ARHGAP24: variants seen among roughly 807,000 people sequenced by gnomAD.
ARHGAP24 encodes the protein Rho GTPase activating protein 24.
A neutral mutation model predicts 76.4 loss-of-function variants in ARHGAP24; 50 were observed. The ratio of observed to expected loss-of-function variants is 0.65; its 90% CI spans 0.52 to 0.83. The LOEUF is 0.83. ARHGAP24 is among the 40% of genes least tolerant of loss of function. The pLI, the probability that ARHGAP24 is intolerant of heterozygous loss-of-function variation, is 0.00. For synonymous variants in ARHGAP24, 345 were observed against 323.3 expected, an observed-to-expected ratio of 1.07 and a Z score of -0.72; for missense variants, 930 against 914.2, an observed-to-expected ratio of 1.02 and a Z score of -0.22.
At chr4:85,478,913 G>C (rs539554454) in intron 1 of ARHGAP24, among the ~76,000 whole-genome samples, 20 of 152,278 alleles carry the variant, frequency 1.3e-4, no homozygotes, top group Non-Finnish European at 2.9e-5. Context: ...TAATTTTTAT[G>C]TATTTCCCCT....
At chr4:85,700,908 C>A (rs571065041) in intron 2 of ARHGAP24, among the ~76,000 whole-genome samples, 10 of 152,204 alleles carry the variant, frequency 6.6e-5, no homozygotes, top group Admixed American at 2.6e-4. Flanking sequence ...TAAAATATCT[C>A]TCTTTGTTTG....
At chr4:85,698,748 G>C (rs1224834906) in intron 2 of ARHGAP24, among the ~76,000 whole-genome samples, 2 of 152,178 alleles carry the variant, frequency 1.3e-5, no homozygotes, top group African/African-American at 2.4e-5. Context: ...CCATGACAAA[G>C]AGCGACCTAG....
rs578067228 is a variant in ARHGAP24 at position 85,809,464 on chromosome 4, C to T, written c.268+87492C>T. On this transcript the variant is annotated intron_variant, in intron 3 of 9. Coordinates refer to ENST00000395184, the MANE Select transcript of ARHGAP24 (RefSeq NM_001025616.3). ...AGTATTGAAATAAGAGAGAGAATTA[C>T]CTTATTCCATTCAAGGCATAGACAC... Among the ~76,000 whole-genome samples the T allele has an allele frequency of 7.4e-4, 112 of 152,148 alleles. 1 individual carries two copies. The South Asian group carries it at 0.012, about 16-fold the overall frequency.
At chr4:85,484,923 T>G (rs955026090) in intron 1 of ARHGAP24, among the ~76,000 whole-genome samples, 2 of 152,154 alleles carry the variant, frequency 1.3e-5, no homozygotes, top group Admixed American at 6.5e-5. Context: ...CATTTACTGT[T>G]GTATTTGGTT....
At chr4:85,993,868 A>G (rs1293617856) in intron 8 of ARHGAP24, among the ~76,000 whole-genome samples, 1 of 152,140 alleles carries the variant, frequency 6.6e-6, no homozygotes, top group Admixed American at 6.6e-5. Context: ...CACTCTCCAG[A>G]TTGCATCAAG....
chr4:85,832,326 T>C (rs79690523), intron 3 of ARHGAP24, among the ~76,000 whole-genome samples: 2 of 152,064 alleles, frequency 1.3e-5, no homozygotes, highest in Non-Finnish European at 2.9e-5. Flanking sequence ...GAGAGCCTGA[T>C]AGAGGAGGTG....
At chr4:85,886,538 G>A (rs1733577518) in intron 3 of ARHGAP24, among the ~76,000 whole-genome samples, 1 of 152,124 alleles carries the variant, frequency 6.6e-6, no homozygotes, top group Non-Finnish European at 1.5e-5. Context: ...AAACACTTGA[G>A]TTGAGGCCAC....
chr4:85,813,449 C>T (rs537397712), intron 3 of ARHGAP24, among the ~76,000 whole-genome samples: 3 of 152,162 alleles, frequency 2.0e-5, no homozygotes, highest in Non-Finnish European at 2.9e-5. Flanking sequence ...AGGCCTGACT[C>T]AGATGGTCAA....
intron 3 of ARHGAP24, among the ~76,000 whole-genome samples, chr4:85,895,000 G>T (rs200527469): frequency 2.1e-5 from 1 of 47,992 alleles, no homozygotes; most frequent in Non-Finnish European, 4.5e-5. Flanking sequence ...AAAACAAAAA[G>T]CAAAAAAAAA....
intron 2 of ARHGAP24, among the ~76,000 whole-genome samples, chr4:85,681,176 A>AT (rs1232357392): frequency 1.3e-5 from 2 of 151,850 alleles, no homozygotes; most frequent in South Asian, 2.1e-4. Context: ...GTCTTTTCTC[A>AT]ATTTTTTTAT....
chr4:85,769,277 G>T (rs962250564), intron 3 of ARHGAP24, among the ~76,000 whole-genome samples: 1 of 152,118 alleles, frequency 6.6e-6, no homozygotes, highest in Non-Finnish European at 1.5e-5. Flanking sequence ...CATTTATTAG[G>T]TAGTCATTTT....
At chr4:85,675,310 C>T (rs1179168823) in intron 2 of ARHGAP24, among the ~76,000 whole-genome samples, 6 of 152,160 alleles carry the variant, frequency 3.9e-5, no homozygotes, top group African/African-American at 1.4e-4. Context: ...GAGAAATGCA[C>T]GTTGTATCAT....
intron 2 of ARHGAP24, among the ~76,000 whole-genome samples, chr4:85,601,331 T>C (rs181047817): frequency 4.1e-4 from 62 of 152,344 alleles, no homozygotes; most frequent in African/African-American, 1.5e-3. Flanking sequence ...AACTGTGGTA[T>C]TTTGAATACA....
chr4:85,890,522 C>G (rs555183111), intron 3 of ARHGAP24, among the ~76,000 whole-genome samples: 1 of 152,126 alleles, frequency 6.6e-6, no homozygotes, highest in Non-Finnish European at 1.5e-5. Flanking sequence ...TTCAGCCTGG[C>G]TAGTATCTTG....
chr4:85,554,331 T>C (rs1381351474), intron 1 of ARHGAP24, among the ~76,000 whole-genome samples: 1 of 152,170 alleles, frequency 6.6e-6, no homozygotes, highest in Non-Finnish European at 1.5e-5. Context: ...CTGCATTTCC[T>C]GATTTTGAAC....
In ARHGAP24 at chr4:85,487,676, TTATTA is replaced by T. The variant is rs972320009; in HGVS notation, c.-21+12126_-21+12130del. ...TATTACATATTATATAAACATATAT[TTATTA>T]TATTATATAAATATATATTTATTAT... On this transcript the variant is annotated intron_variant, in intron 1 of 9. Coordinates refer to ENST00000395184, the MANE Select transcript of ARHGAP24 (RefSeq NM_001025616.3). Among the ~76,000 whole-genome samples, 648 of 106,780 alleles carry T rather than the reference TTATTA, an allele frequency of 6.1e-3. 11 individuals carry two copies. Among genetic ancestry groups the T allele is most frequent in the African/African-American group, 0.025 (624 of 24,932 alleles). 70.1% of individuals were successfully genotyped at this position (106,780 alleles called of 152,430 possible). A position where few individuals can be genotyped will look rare whatever the true frequency, so the allele number is the denominator to read the frequency against.
intron 3 of ARHGAP24, among the ~76,000 whole-genome samples, chr4:85,747,995 C>G (rs1377554073): frequency 1.3e-5 from 2 of 152,226 alleles, no homozygotes; most frequent in Admixed American, 6.5e-5. Flanking sequence ...CAGCTTATAT[C>G]TGTTCATGCC....
intron 8 of ARHGAP24, chr4:85,991,145 C>T (rs1413733890): frequency 6.6e-6 from 1 of 152,018 alleles, no homozygotes; most frequent in African/African-American, 2.4e-5. Context: ...TGGAAGGATG[C>T]TCAGCATCTT....
intron 3 of ARHGAP24, among the ~76,000 whole-genome samples, chr4:85,724,748 T>C (rs549398560): frequency 1.3e-5 from 2 of 152,214 alleles, no homozygotes; most frequent in African/African-American, 4.8e-5. Context: ...GTTTTAGGGT[T>C]GATTTCCTAT....
Sources: allele counts gnomAD v4.1 joint callset (sites outside exome capture counted in the v4.1 genomes callset), GRCh38; gene constraint gnomAD v4.1.1; transcripts MANE v1.5; gene names NCBI Gene and HGNC (gene_info 2026-07-23, HGNC 2026-07-21).